Variants in AGBL4 observed in about 807,000 individuals in gnomAD.
AGBL4 encodes cytosolic carboxypeptidase 6.
In AGBL4, 58 loss-of-function variants were observed where a neutral mutation model predicts 66.4. The observed-to-expected ratio is 0.87, with a 90% CI of 0.71 to 1.09. AGBL4 has a LOEUF of 1.09. Ranked by LOEUF, AGBL4 falls within the 50% of genes least tolerant of loss-of-function variation. The pLI, the probability that AGBL4 is intolerant of heterozygous loss-of-function variation, is 0.00. For synonymous variants in AGBL4, 234 were observed against 222.9 expected, an observed-to-expected ratio of 1.05 and a Z score of -0.44; for missense variants, 579 against 631.0, an observed-to-expected ratio of 0.92 and a Z score of 0.88.
intron 1 of AGBL4, among the ~76,000 whole-genome samples, chr1:49,943,640 G>A (rs1368679791): frequency 1.3e-5 from 2 of 151,518 alleles, no homozygotes; most frequent in Admixed American, 6.6e-5. Context: ...AGCTCTCTGA[G>A]TACCCTAAAA....
intron 5 of AGBL4, among the ~76,000 whole-genome samples, chr1:49,009,712 G>A (rs1473735103): frequency 6.7e-6 from 1 of 149,890 alleles, no homozygotes; most frequent in Non-Finnish European, 1.5e-5. Flanking sequence ...TGGGATGCAA[G>A]GCTGGTTCAA....
At chr1:49,767,360 A>G (rs1289194900) in intron 2 of AGBL4, among the ~76,000 whole-genome samples, 1 of 152,122 alleles carries the variant, frequency 6.6e-6, no homozygotes, top group African/African-American at 2.4e-5. Context: ...GAAAGACCTT[A>G]GGGCGAACAA....
At chr1:49,964,069 T>C (rs1270495948) in intron 1 of AGBL4, among the ~76,000 whole-genome samples, 1 of 152,156 alleles carries the variant, frequency 6.6e-6, no homozygotes, top group African/African-American at 2.4e-5. Context: ...TATTGTTCTC[T>C]ATATTAAAAT....
At chr1:49,304,255 T>C (rs1174881532) in intron 3 of AGBL4, among the ~76,000 whole-genome samples, 1 of 152,166 alleles carries the variant, frequency 6.6e-6, no homozygotes, top group Non-Finnish European at 1.5e-5. Context: ...CCATTGCTTG[T>C]TTTGTCGAAG....
chr1:48,923,680 G>A (rs1654281702), intron 5 of AGBL4, among the ~76,000 whole-genome samples: 1 of 152,096 alleles, frequency 6.6e-6, no homozygotes, highest in East Asian at 1.9e-4. Context: ...TCACTGTATT[G>A]TGTGCTCAGC....
At position 49,753,860 on chromosome 1, in the gene AGBL4, C is replaced by T. The variant is rs547567358; in HGVS notation, c.158-56423G>A. Among the ~76,000 whole-genome samples the T allele has an allele frequency of 2.2e-4, 33 of 152,260 alleles. No homozygotes were observed. In the South Asian group the frequency reaches 3.5e-3, roughly 16 times the overall value. On this transcript the variant is annotated intron_variant, in intron 2 of 13. Transcript: ENST00000371839. ...TATCCTTTCTTCCACTTCATCGATT[C>T]AGCTATTGATACTCATGTATGCTTC...
chr1:49,130,814 T>C lies in AGBL4; in HGVS notation c.378-85014A>G, dbSNP rs368079504. 3.8e-4 allele frequency among the ~76,000 whole-genome samples: 58 copies of C among 152,276 alleles called. 1 individual carries two copies. The South Asian group carries it at 9.5e-3, about 25-fold the overall frequency. ...CGATGTGGGCTCTTTTTTGGTTCCA[T>C]ATGAACTTTAAAGTAGTTTTTTCCA... On this transcript the variant is annotated intron_variant, in intron 4 of 13. Transcript: ENST00000371839.
chr1:48,821,402 A>C (rs1646310080), intron 6 of AGBL4, among the ~76,000 whole-genome samples: 1 of 152,230 alleles, frequency 6.6e-6, no homozygotes, highest in Admixed American at 6.5e-5. Flanking sequence ...ACCATGAAAT[A>C]CTATGCAGCC....
At chr1:48,702,783 G>T (rs561690387) in intron 6 of AGBL4, among the ~76,000 whole-genome samples, 3 of 152,226 alleles carry the variant, frequency 2.0e-5, no homozygotes, top group South Asian at 4.2e-4. Flanking sequence ...GTACTATTCT[G>T]GGCAAGGAGG....
intron 4 of AGBL4, among the ~76,000 whole-genome samples, chr1:49,164,480 C>T (rs1196917571): frequency 2.0e-5 from 3 of 152,024 alleles, no homozygotes; most frequent in East Asian, 1.9e-4. Context: ...GACAAAGAAG[C>T]GCACAAGCAA....
At chr1:48,646,552 TGTGC>T (rs900207167) in intron 8 of AGBL4, among the ~76,000 whole-genome samples, 2 of 151,190 alleles carry the variant, frequency 1.3e-5, no homozygotes, top group African/African-American at 4.9e-5. Context: ...TGTGTGTGTG[TGTGC>T]TGGTGCTGGA....
intron 4 of AGBL4, among the ~76,000 whole-genome samples, chr1:49,063,694 A>G (rs999050968): frequency 6.6e-6 from 1 of 152,222 alleles, no homozygotes; most frequent in African/African-American, 2.4e-5. Context: ...ATAGAAAGTA[A>G]AAGAAGGGAT....
At chr1:49,287,410 A>G (rs1333529825) in intron 3 of AGBL4, among the ~76,000 whole-genome samples, 6 of 149,266 alleles carry the variant, frequency 4.0e-5, no homozygotes, top group South Asian at 2.1e-4. Context: ...AGAAACTACC[A>G]TCAGAGTGAA....
In AGBL4 at chr1:49,548,286, C is replaced by T. The variant is rs552149035; in HGVS notation, c.282+149027G>A. Among the ~76,000 whole-genome samples the T allele has an allele frequency of 9.2e-5, 14 of 152,202 alleles. No individual in the cohort carries two copies. The East Asian group carries it at 1.2e-3, about 13-fold the overall frequency. ...GACTTCCTCTTTACTGATTTGGATG[C>T]GTTTTATTTCTTTCTCTTGTCTGAT... On this transcript the variant is annotated intron_variant, in intron 3 of 13. Coordinates refer to ENST00000371839, the MANE Select transcript of AGBL4 (RefSeq NM_032785.4).
In AGBL4 at chr1:48,964,005, C is replaced by T. The variant is rs532935412; in HGVS notation, c.594+81579G>A. Among the ~76,000 whole-genome samples, 3 of 152,250 alleles carry T rather than the reference C, an allele frequency of 2.0e-5. No individual in the cohort carries two copies. In the East Asian group the frequency reaches 5.8e-4, roughly 29 times the overall value. On this transcript the variant is annotated intron_variant, in intron 5 of 13. Transcript: ENST00000371839. ...GCTGAGCATACAGTAGCAAACAAGT[C>T]TCCAGATATGAATCACAAAAATTCA...
chr1:49,974,654 T>C (rs942666900), intron 1 of AGBL4, among the ~76,000 whole-genome samples: 2 of 152,154 alleles, frequency 1.3e-5, no homozygotes, highest in East Asian at 1.9e-4. Context: ...CATGTCATCA[T>C]CTTTTTCTAG....
At position 49,781,598 on chromosome 1, in the gene AGBL4, G is replaced by C. The variant is rs532404741; in HGVS notation, c.157+69798C>G. On this transcript the variant is annotated intron_variant, in intron 2 of 13. Coordinates refer to ENST00000371839, the MANE Select transcript of AGBL4 (RefSeq NM_032785.4). ...CAATGAGGGGTAGGAAAATTGAAAAGAACAAGGACAGAGAAAACATAACAC... is the reference window on the plus strand; with the variant it reads ...CAATGAGGGGTAGGAAAATTGAAAACAACAAGGACAGAGAAAACATAACAC... Among the ~76,000 whole-genome samples the C allele has an allele frequency of 1.8e-3, 277 of 152,148 alleles. 2 individuals are homozygous for C. Among genetic ancestry groups the C allele is most frequent in the Non-Finnish European group, 2.0e-3 (139 of 67,990 alleles).
chr1:49,807,083 G>A (rs1167814793), intron 2 of AGBL4, among the ~76,000 whole-genome samples: 1 of 152,164 alleles, frequency 6.6e-6, no homozygotes, highest in African/African-American at 2.4e-5. Context: ...AGAGTGCTGG[G>A]TTGAGCTGGC....
intron 3 of AGBL4, among the ~76,000 whole-genome samples, chr1:49,407,969 G>C (rs1244289534): frequency 6.6e-6 from 1 of 152,176 alleles, no homozygotes; most frequent in African/African-American, 2.4e-5. Flanking sequence ...TCAGTCTACA[G>C]TTGGCTAACC....
Sources: gnomAD v4.1 joint callset for allele counts (sites outside exome capture counted in the v4.1 genomes callset) on GRCh38, gnomAD v4.1.1 for gene constraint, MANE v1.5 for transcripts, NCBI Gene and HGNC (gene_info 2026-07-23, HGNC 2026-07-21) for gene names.